Variants in ANGPT2 observed in about 807,000 individuals in gnomAD.
ANGPT2 encodes angiopoietin 2.
Under a neutral mutation model 62.9 loss-of-function variants are expected in ANGPT2, and 28 were observed. The ratio of observed to expected loss-of-function variants is 0.44; its 90% CI spans 0.33 to 0.61. The LOEUF (loss-of-function observed/expected upper bound fraction) is 0.61. Among genes scored for constraint, ANGPT2 ranks in the 20% least tolerant of loss-of-function variants. The pLI is 0.03. For synonymous variants in ANGPT2, 284 were observed against 207.8 expected (o/e 1.37, Z -3.15); for missense variants, 727 against 594.9 (o/e 1.22, Z -2.31).
intron 8 of ANGPT2, among the ~76,000 whole-genome samples, chr8:6,507,403 T>C (rs777535395): frequency 2.0e-5 from 3 of 152,232 alleles, no homozygotes; most frequent in African/African-American, 7.2e-5. Context: ...ACATTCATTT[T>C]GCACTATTGG....
rs907320696 is a variant in ANGPT2, at chr8:6,510,513, G to A, written c.1197-1451C>T. Among the ~76,000 whole-genome samples the A allele has an allele frequency of 1.8e-4, 27 of 152,348 alleles. 1 individual carries two copies. Among genetic ancestry groups the A allele is most frequent in the African/African-American group, 6.5e-4 (27 of 41,582 alleles). On this transcript the variant is annotated intron_variant, in intron 7 of 8. Transcript: ENST00000629816. ...AGAAAATGTTCTTTTAGTTTTACCTGCTGGTCGGGCCAGGCCAGGTGCTTA... is the reference window on the plus strand; with the variant it reads ...AGAAAATGTTCTTTTAGTTTTACCTACTGGTCGGGCCAGGCCAGGTGCTTA...
At chr8:6,504,317 C>A (rs1467850800) in intron 8 of ANGPT2, among the ~76,000 whole-genome samples, 419 of 85,674 alleles carry the variant, frequency 4.9e-3, no homozygotes, top group Non-Finnish European at 6.1e-3. Flanking sequence ...GACTCCAGCT[C>A]AAAAAAAAAA....
chr8:6,517,640 C>T (rs186119331), intron 5 of ANGPT2, among the ~76,000 whole-genome samples: 216 of 152,276 alleles, frequency 1.4e-3, no homozygotes, highest in South Asian at 3.9e-3. Flanking sequence ...AAATGGTGAC[C>T]ACTACCATTT....
rs1034616829 is a variant in ANGPT2 at position 6,500,190 on chromosome 8, A to G, written c.*2911T>C. ...TAACATCCTCAGAACTGAGAAAAACAAAAATGAAAAAAGACTGAATTCTTG... is the reference window on the plus strand; with the variant it reads ...TAACATCCTCAGAACTGAGAAAAACGAAAATGAAAAAAGACTGAATTCTTG... On this transcript the variant is annotated 3_prime_UTR_variant, in exon 9 of 9. Coordinates refer to ENST00000629816, the MANE Select transcript of ANGPT2 (RefSeq NM_001118887.2). 4 of 458,970 alleles carry G rather than the reference A, an allele frequency of 8.7e-6. No homozygotes were observed. Among genetic ancestry groups the G allele is most frequent in the African/African-American group, 7.9e-5 (4 of 50,652 alleles). The allele number at this position is 458,970 out of a possible 1,614,324, so 28.4% of individuals were successfully genotyped here.
chr8:6,556,013 G>A (rs1001381670), intron 1 of ANGPT2, among the ~76,000 whole-genome samples: 1 of 152,128 alleles, frequency 6.6e-6, no homozygotes, highest in Non-Finnish European at 1.5e-5. Flanking sequence ...CTGCTGTGGG[G>A]ACTTGGTATC....
chr8:6,536,876 C>G (rs1239273683), intron 1 of ANGPT2, among the ~76,000 whole-genome samples: 1 of 151,204 alleles, frequency 6.6e-6, no homozygotes, highest in East Asian at 1.9e-4. Flanking sequence ...TTTAGTGTCT[C>G]TCTTATTTTT....
chr8:6,562,578 T>TTTTTTTTTTTTTTTTA, intron 1 of ANGPT2, 69 bp downstream of exon 1: 325 of 880,102 alleles, frequency 3.7e-4, no homozygotes, highest in Middle Eastern at 5.1e-4. Context: ...TTTTGGTTGT[T>TTTTTTTTTTTTTTTTA]AAAACCTGAG....
At chr8:6,553,162 A>G (rs954279666) in intron 1 of ANGPT2, among the ~76,000 whole-genome samples, 5 of 152,128 alleles carry the variant, frequency 3.3e-5, no homozygotes, top group Non-Finnish European at 7.3e-5. Context: ...CTGGTGCAGG[A>G]TGTTGATCGT....
At chr8:6,511,075 C>G (rs1353673142) in intron 7 of ANGPT2, among the ~76,000 whole-genome samples, 1 of 152,184 alleles carries the variant, frequency 6.6e-6, no homozygotes, top group East Asian at 1.9e-4. Context: ...TCTCTCTTGT[C>G]TCCTTTGAAC....
At chr8:6,545,118 C>T (rs879625275) in intron 1 of ANGPT2, among the ~76,000 whole-genome samples, 7 of 152,010 alleles carry the variant, frequency 4.6e-5, no homozygotes, top group South Asian at 2.1e-4. Flanking sequence ...TTCCATGAAG[C>T]TCAAGAATGG....
At chr8:6,550,457 C>A (rs1239882322) in intron 1 of ANGPT2, among the ~76,000 whole-genome samples, 1 of 152,218 alleles carries the variant, frequency 6.6e-6, no homozygotes, top group African/African-American at 2.4e-5. Flanking sequence ...CAGCATCCAG[C>A]GCGTCCTCAC....
intron 1 of ANGPT2, among the ~76,000 whole-genome samples, chr8:6,549,866 A>G (rs1181294905): frequency 6.6e-6 from 1 of 152,234 alleles, no homozygotes; most frequent in African/African-American, 2.4e-5. Context: ...TATTCTGTGT[A>G]AGTTATATCT....
At chr8:6,556,835 C>T (rs533639152) in intron 1 of ANGPT2, among the ~76,000 whole-genome samples, 11 of 152,202 alleles carry the variant, frequency 7.2e-5, no homozygotes, top group African/African-American at 2.6e-4. Flanking sequence ...AGTGTCTTCC[C>T]ATCTTGGCCT....
At chr8:6,544,746 G>C (rs954173760) in intron 1 of ANGPT2, among the ~76,000 whole-genome samples, 4 of 152,138 alleles carry the variant, frequency 2.6e-5, no homozygotes, top group African/African-American at 9.7e-5. Flanking sequence ...CACAGATACA[G>C]CATTTAGAGT....
chr8:6,559,230 A>AACACACACAC (rs59299448), intron 1 of ANGPT2, among the ~76,000 whole-genome samples: 12,866 of 146,674 alleles, frequency 0.088, 560 homozygotes, highest in Middle Eastern at 0.12. Context: ...CACACACGAC[A>AACACACACAC]ACACACACAC....
At chr8:6,558,025 C>G (rs1459524457) in intron 1 of ANGPT2, among the ~76,000 whole-genome samples, 1 of 152,162 alleles carries the variant, frequency 6.6e-6, no homozygotes, top group Non-Finnish European at 1.5e-5. Context: ...CTCTCCTGCC[C>G]CTGCCCCCAC....
intron 1 of ANGPT2, among the ~76,000 whole-genome samples, chr8:6,556,085 C>T (rs922046648): frequency 8.6e-5 from 13 of 151,958 alleles, no homozygotes; most frequent in South Asian, 2.1e-4. Context: ...TCCCAGTGGG[C>T]GAGAATTGCT....
intron 1 of ANGPT2, among the ~76,000 whole-genome samples, chr8:6,553,981 T>C (rs565695467): frequency 2.0e-5 from 3 of 152,050 alleles, no homozygotes; most frequent in East Asian, 3.9e-4. Context: ...TTGGATACTG[T>C]TAGTGACATA....
intron 8 of ANGPT2, among the ~76,000 whole-genome samples, chr8:6,505,434 ATATTCTTTATAT>A (rs1813326477): frequency 2.5e-5 from 2 of 78,880 alleles, no homozygotes; most frequent in African/African-American, 8.6e-5. Context: ...AAGAATATAT[ATATTCTTTATAT>A]ACATATAGAA....
Sources: gnomAD v4.1 joint callset for allele counts (sites outside exome capture counted in the v4.1 genomes callset) on GRCh38, gnomAD v4.1.1 for gene constraint, MANE v1.5 for transcripts, NCBI Gene and HGNC (gene_info 2026-07-23, HGNC 2026-07-21) for gene names.